NOBOX: variants seen among roughly 807,000 people sequenced by gnomAD.
The protein encoded by NOBOX is homeobox protein NOBOX.
In NOBOX, 46 loss-of-function variants were observed where a neutral mutation model predicts 60.2. That is an observed-to-expected ratio of 0.76 (90% CI 0.60 to 0.98). The LOEUF (loss-of-function observed/expected upper bound fraction) is 0.98. Ranked by LOEUF, NOBOX falls within the 50% of genes least tolerant of loss-of-function variation. The pLI is 0.00. For missense variants in NOBOX, 880 were observed against 865.5 expected (o/e 1.02, Z -0.21); for synonymous variants, 360 against 346.3 (o/e 1.04, Z -0.44).
In NOBOX at chr7:144,401,662, G is replaced by A. The variant is rs2053940844; in HGVS notation, c.293-65C>T. 4.1e-6 allele frequency: 6 copies of A among 1,450,272 alleles called. No homozygotes were observed. The highest frequency in any genetic ancestry group is 2.3e-5 in the East Asian group (1 of 43,666). The allele number at this position is 1,450,272 out of a possible 1,614,324, so 89.8% of individuals were successfully genotyped here. ...GAAGGAAGAACTGGACCAAGAGGAA[G>A]TGCTGCTTCCTGCTTTGCAAACGGT... On this transcript the variant is annotated intron_variant, in intron 3 of 9. Coordinates refer to ENST00000467773, the MANE Select transcript of NOBOX (RefSeq NM_001080413.3). The surrounding 1 kb of genome is among the most constrained non-coding windows in gnomAD (Gnocchi z 4.2).
rs564920476 is a variant in NOBOX, at chr7:144,400,926, C to T, written c.844+120G>A. ...CCGCGGCCCAAGAGAGAATCCGGGA[C>T]GAAGTGACATACAAACTAACCCCAT... On this transcript the variant is annotated intron_variant, in intron 4 of 9. Transcript: ENST00000467773. The T allele has an allele frequency of 1.1e-3, 825 of 770,726 alleles. 5 individuals carry two copies. The highest frequency in any genetic ancestry group is 4.6e-3 in the Middle Eastern group (16 of 3,516). The allele number at this position is 770,726 out of a possible 1,614,324, so 47.7% of individuals were successfully genotyped here.
At chr7:144,402,135 C>A (rs1015489690) in intron 2 of NOBOX, among the ~76,000 whole-genome samples, 1 of 152,240 alleles carries the variant, frequency 6.6e-6, no homozygotes, top group Non-Finnish European at 1.5e-5. Context: ...CCATGGAACT[C>A]TGTCTCTGCC....
At position 144,398,936 on chromosome 7, in the gene NOBOX, C is replaced by A; in HGVS notation, c.1469+14G>T. On this transcript the variant is annotated intron_variant, in intron 8 of 9. Transcript: ENST00000467773. ...CCAGATAACTAGAGTGACCTACCCC[C>A]GTAGGTTCCTTACCTTGTCCCCCAG... 6.9e-7 allele frequency: 1 copy of A among 1,444,510 alleles called. No homozygotes were observed. Among genetic ancestry groups the A allele is most frequent in the Non-Finnish European group, 9.5e-7 (1 of 1,048,690 alleles). 89.5% of individuals were successfully genotyped at this position (1,444,510 alleles called of 1,614,324 possible). A position where few individuals can be genotyped will look rare whatever the true frequency, so the allele number is the denominator to read the frequency against.
rs1270802558 is a variant in NOBOX, at chr7:144,404,589, C to T, written c.177G>A (p.Arg59=). 6.2e-7 allele frequency: 1 copy of T among 1,613,924 alleles called. No individual in the cohort carries two copies. The highest frequency in any genetic ancestry group is 8.5e-7 in the Non-Finnish European group (1 of 1,179,878). The change falls in exon 2 of 10, where the codon CGG becomes CGA. Residue 59 remains arginine (R), a synonymous_variant. Coordinates refer to ENST00000467773, the MANE Select transcript of NOBOX (RefSeq NM_001080413.3). ...GGGTCTCCAGAGCACAAAGGCTGCACCGGATGATGAAGAAGGAGCTGAAAG... is the reference window on the plus strand; with the variant it reads ...GGGTCTCCAGAGCACAAAGGCTGCATCGGATGATGAAGAAGGAGCTGAAAG...
At chr7:144,404,485 G>C (rs1026146253) in intron 2 of NOBOX, 2 of 1,363,936 alleles carry the variant, frequency 1.5e-6, no homozygotes, top group African/African-American at 2.9e-5. Flanking sequence ...CTGACTTCAA[G>C]TTATCTGCCC....
At chr7:144,409,409 A>G (rs1378666271) in intron 1 of NOBOX, among the ~76,000 whole-genome samples, 1 of 152,244 alleles carries the variant, frequency 6.6e-6, no homozygotes, top group Non-Finnish European at 1.5e-5. Flanking sequence ...AGTATCGGTT[A>G]TTAACAATTT....
At chr7:144,400,868 C>T (rs2053932494) in intron 4 of NOBOX, among the ~76,000 whole-genome samples, 178 bp downstream of exon 2, 1 of 152,194 alleles carries the variant, frequency 6.6e-6, no homozygotes, top group Non-Finnish European at 1.5e-5. Flanking sequence ...GATAACCCAA[C>T]CTTCCCTCTG....
Position 144,401,062 on chromosome 7 carries a change from T to C in NOBOX, c.828A>G (p.Arg276=). Residue 276 remains arginine (R), a synonymous_variant, in exon 4 of 10, where the codon CGA becomes CGG. Coordinates refer to ENST00000467773, the MANE Select transcript of NOBOX (RefSeq NM_001080413.3). This position sits in a 1 kb window ranked among gnomAD's most constrained non-coding sequence, Gnocchi z 4.2. ...GGGACTTACCTGAGCGGTATAGGGT[T>C]CGTGTCTTTTTCCTAATTTGGCAGG... The C allele has an allele frequency of 1.3e-6, 2 of 1,527,438 alleles. No individual in the cohort carries two copies. Among genetic ancestry groups the C allele is most frequent in the Non-Finnish European group, 1.8e-6 (2 of 1,140,296 alleles). 94.6% of individuals were successfully genotyped at this position (1,527,438 alleles called of 1,614,324 possible).
At chr7:144,402,437 G>A (rs565199084) in intron 2 of NOBOX, among the ~76,000 whole-genome samples, 18 of 152,218 alleles carry the variant, frequency 1.2e-4, no homozygotes, top group Non-Finnish European at 1.2e-4. Flanking sequence ...CTGCAAGAAC[G>A]GCACTGCTAA....
intron 1 of NOBOX, chr7:144,409,992 G>T: frequency 3.7e-6 from 2 of 541,942 alleles, no homozygotes; most frequent in East Asian, 2.9e-5. Flanking sequence ...CTGGTGGCTT[G>T]ATAGATTTTT....
rs373191402 is a variant in NOBOX, at chr7:144,398,922, G to A, written c.1469+28C>T. On this transcript the variant is annotated intron_variant, in intron 8 of 9. Coordinates refer to ENST00000467773, the MANE Select transcript of NOBOX (RefSeq NM_001080413.3). The stretch of plus-strand genomic sequence containing the variant: ...CCCCCTACCCCCACCCAGATAACTA[G>A]AGTGACCTACCCCCGTAGGTTCCTT... The A allele has an allele frequency of 3.5e-5, 46 of 1,301,926 alleles. No homozygotes were observed. The African/African-American group carries it at 6.0e-4, about 17-fold the overall frequency. 80.6% of individuals were successfully genotyped at this position (1,301,926 alleles called of 1,614,324 possible). A position where few individuals can be genotyped will look rare whatever the true frequency, so the allele number is the denominator to read the frequency against.
At chr7:144,400,079 G>A (rs1350401848) in intron 5 of NOBOX, 127 bp downstream of exon 3, 1 of 1,597,526 alleles carries the variant, frequency 6.3e-7, no homozygotes, top group Non-Finnish European at 8.5e-7. Flanking sequence ...CAGGGACACA[G>A]CCACGTCTGA....
Position 144,399,173 on chromosome 7 carries a change from G to C in NOBOX, c.1246C>G (p.Pro416Ala). Residue 416 changes from proline (P) to alanine (A), a missense_variant, in exon 8 of 10, where the codon CCC (proline) becomes GCC (alanine). By Grantham distance (27) the Pro-to-Ala change is conservative (BLOSUM62 -1). Coordinates refer to ENST00000467773, the MANE Select transcript of NOBOX (RefSeq NM_001080413.3). Reference sequence around the variant, plus strand: ...GTCTGGTCAGAAGTCAGCAGCATGGGGGGCTCTAGGAACAGAAGGCAAAGA... The same window carrying C: ...GTCTGGTCAGAAGTCAGCAGCATGGCGGGCTCTAGGAACAGAAGGCAAAGA... 6.5e-7 allele frequency: 1 copy of C among 1,528,848 alleles called. No individual in the cohort carries two copies. Among genetic ancestry groups the C allele is most frequent in the Admixed American group, 1.8e-5 (1 of 56,248 alleles). The allele number at this position is 1,528,848 out of a possible 1,614,324, so 94.7% of individuals were successfully genotyped here.
chr7:144,399,727 GGAT>G (rs1429430884), intron 6 of NOBOX, 27 bp downstream of exon 4: 9 of 1,551,722 alleles, frequency 5.8e-6, no homozygotes, highest in African/African-American at 1.4e-5. Context: ...CTACCCACAG[GGAT>G]GATACAGAAA....
chr7:144,401,067 T>C lies in NOBOX; in HGVS notation c.823A>G (p.Thr275Ala), dbSNP rs1308387159. 1 of 1,528,634 alleles carries C rather than the reference T, an allele frequency of 6.5e-7. No homozygotes were observed. Among genetic ancestry groups the C allele is most frequent in the Non-Finnish European group, 8.8e-7 (1 of 1,140,932 alleles). The allele number at this position is 1,528,634 out of a possible 1,614,324, so 94.7% of individuals were successfully genotyped here. A position where few individuals can be genotyped will look rare whatever the true frequency, so the allele number is the denominator to read the frequency against. ...TTACCTGAGCGGTATAGGGTTCGTG[T>C]CTTTTTCCTAATTTGGCAGGTCACT... The change falls in exon 4 of 10, where the codon ACA (threonine) becomes GCA (alanine). Residue 275 changes from threonine to alanine, a missense_variant. Thr to Ala is a moderately conservative substitution (Grantham distance 58). Transcript: ENST00000467773. This position sits in a 1 kb window ranked among gnomAD's most constrained non-coding sequence, Gnocchi z 4.2.
intron 4 of NOBOX, among the ~76,000 whole-genome samples, chr7:144,400,680 G>C (rs1016782059): frequency 1.3e-5 from 2 of 152,234 alleles, no homozygotes; most frequent in African/African-American, 4.8e-5. Context: ...TGGGATTACA[G>C]GCACAGGCCA....
chr7:144,409,214 A>G (rs2054005881), intron 1 of NOBOX, among the ~76,000 whole-genome samples: 1 of 152,132 alleles, frequency 6.6e-6, no homozygotes, highest in Admixed American at 6.5e-5. Flanking sequence ...ACTTTAAAAT[A>G]TAGATTTAAA....
Position 144,410,082 on chromosome 7 carries a change from T to C in NOBOX, c.85+61A>G, listed in dbSNP as rs894432322. Reference sequence around the variant, plus strand: ...TCCTCAGTGTATGGGAAGACAACTCTGTCTTCTGTTCAGAGTGTGGTGCTC... The same window carrying C: ...TCCTCAGTGTATGGGAAGACAACTCCGTCTTCTGTTCAGAGTGTGGTGCTC... On this transcript the variant is annotated intron_variant, in intron 1 of 9. Transcript: ENST00000467773. 8 of 1,092,926 alleles carry C rather than the reference T, an allele frequency of 7.3e-6. No homozygotes were observed. The African/African-American group carries it at 1.2e-4, about 17-fold the overall frequency. 67.7% of individuals were successfully genotyped at this position (1,092,926 alleles called of 1,614,324 possible).
chr7:144,406,265 G>C (rs2053984660), intron 1 of NOBOX, among the ~76,000 whole-genome samples: 1 of 152,100 alleles, frequency 6.6e-6, no homozygotes. Context: ...TTAAAATATT[G>C]GCATTTTTCC....
Sources: allele counts gnomAD v4.1 joint callset (sites outside exome capture counted in the v4.1 genomes callset), GRCh38; gene constraint gnomAD v4.1.1; non-coding constraint Gnocchi (gnomAD v3.1); transcripts MANE v1.5; gene names NCBI Gene and HGNC (gene_info 2026-07-23, HGNC 2026-07-21).